Variants in NXPH1 observed in about 807,000 individuals in gnomAD.
NXPH1 encodes neurexophilin 1.
In NXPH1, 5 loss-of-function variants were observed where a neutral mutation model predicts 23.7. The ratio of observed to expected loss-of-function variants is 0.21; its 90% confidence interval spans 0.11 to 0.44. The LOEUF is 0.44. Among genes scored for constraint, NXPH1 ranks in the 20% least tolerant of loss-of-function variants. The pLI is 0.99. For synonymous variants in NXPH1, 144 were observed against 122.2 expected, an observed-to-expected ratio of 1.18 and a Z score of -1.18; for missense variants, 324 against 321.6, an observed-to-expected ratio of 1.01 and a Z score of -0.06.
intron 2 of NXPH1, among the ~76,000 whole-genome samples, chr7:8,521,383 T>C (rs1450594754): frequency 6.6e-6 from 1 of 152,158 alleles, no homozygotes; most frequent in Non-Finnish European, 1.5e-5. Flanking sequence ...CCAGCCCCCT[T>C]GCTGTTAGGT....
chr7:8,653,401 T>C (rs191487324), intron 2 of NXPH1, among the ~76,000 whole-genome samples: 135 of 152,282 alleles, frequency 8.9e-4, no homozygotes, highest in African/African-American at 3.2e-3. Context: ...TCCTTAACCA[T>C]AAAAGCTGAG....
At chr7:8,447,276 G>A (rs1285548279) in intron 2 of NXPH1, among the ~76,000 whole-genome samples, 2 of 152,172 alleles carry the variant, frequency 1.3e-5, no homozygotes, top group Non-Finnish European at 2.9e-5. Context: ...TTTGTGAATA[G>A]TTTCTTTCAC....
At chr7:8,563,158 A>G (rs924094554) in intron 2 of NXPH1, among the ~76,000 whole-genome samples, 1 of 151,804 alleles carries the variant, frequency 6.6e-6, no homozygotes. Flanking sequence ...CCAATTCTCT[A>G]TCACACATTG....
intron 2 of NXPH1, among the ~76,000 whole-genome samples, chr7:8,480,779 A>C (rs1817060096): frequency 6.6e-6 from 1 of 152,204 alleles, no homozygotes; most frequent in South Asian, 2.1e-4. Flanking sequence ...AGATTTGTAC[A>C]TTGTGGAAGG....
chr7:8,479,964 CT>C (rs1271525201), intron 2 of NXPH1, among the ~76,000 whole-genome samples: 2 of 152,022 alleles, frequency 1.3e-5, no homozygotes, highest in East Asian at 1.9e-4. Flanking sequence ...TTGATCCTGC[CT>C]TTCCAATAAG....
intron 2 of NXPH1, among the ~76,000 whole-genome samples, chr7:8,722,742 C>A (rs1325476967): frequency 6.6e-6 from 1 of 152,118 alleles, no homozygotes; most frequent in African/African-American, 2.4e-5. Context: ...CCTTGGAATG[C>A]AAGAGGAGTG....
chr7:8,535,924 C>T (rs942129573), intron 2 of NXPH1, among the ~76,000 whole-genome samples: 4 of 151,940 alleles, frequency 2.6e-5, no homozygotes, highest in African/African-American at 9.7e-5. Flanking sequence ...TCCTTTGTTC[C>T]CATATCCCAC....
rs118026957 is a variant in NXPH1 at position 8,620,429 on chromosome 7, G to A, written c.55-130579G>A. On this transcript the variant is annotated intron_variant, in intron 2 of 2. Coordinates refer to ENST00000405863, the MANE Select transcript of NXPH1 (RefSeq NM_152745.3). The stretch of plus-strand genomic sequence containing the variant: ...GTAAGCCTCTGTGCTGCCTCTTCTT[G>A]TCATGGTGATTAGTTCAAGGGGAAT... Among the ~76,000 whole-genome samples the A allele has an allele frequency of 2.8e-4, 43 of 152,256 alleles. No homozygotes were observed. The East Asian group carries it at 8.1e-3, about 29-fold the overall frequency.
Position 8,526,869 on chromosome 7 carries a change from T to C in NXPH1, c.54+91102T>C, listed in dbSNP as rs567420386. 5.9e-5 allele frequency among the ~76,000 whole-genome samples: 9 copies of C among 152,280 alleles called. No homozygotes were observed. In the South Asian group the frequency reaches 1.9e-3, roughly 32 times the overall value. ...AGCATGAAAACAGACTAATATAATG[T>C]CTCAGCAGAAGTAAGGCACAGGTAA... On this transcript the variant is annotated intron_variant, in intron 2 of 2. Coordinates refer to ENST00000405863, the MANE Select transcript of NXPH1 (RefSeq NM_152745.3).
intron 2 of NXPH1, among the ~76,000 whole-genome samples, chr7:8,455,422 A>C (rs1426183340): frequency 6.6e-6 from 1 of 152,152 alleles, no homozygotes. Flanking sequence ...CTGTGGTGCC[A>C]TTGAAAAAGG....
chr7:8,609,178 CAG>C (rs2128629108), intron 2 of NXPH1, among the ~76,000 whole-genome samples: 1 of 152,228 alleles, frequency 6.6e-6, no homozygotes, highest in South Asian at 2.1e-4. Flanking sequence ...TCTTATTCTA[CAG>C]ATGGTTAATG....
At chr7:8,695,392 T>G (rs750934049) in intron 2 of NXPH1, among the ~76,000 whole-genome samples, 1 of 152,148 alleles carries the variant, frequency 6.6e-6, no homozygotes, top group Non-Finnish European at 1.5e-5. Flanking sequence ...TTTACCATGT[T>G]ACAGAATGTA....
intron 2 of NXPH1, among the ~76,000 whole-genome samples, chr7:8,448,811 T>C (rs1250034813): frequency 1.8e-5 from 2 of 111,052 alleles, no homozygotes; most frequent in African/African-American, 8.2e-5. Context: ...CAAGACTTCG[T>C]CTCGGGGAAA....
chr7:8,496,207 CTT>C (rs1817335187), intron 2 of NXPH1, among the ~76,000 whole-genome samples: 1 of 151,962 alleles, frequency 6.6e-6, no homozygotes, highest in African/African-American at 2.4e-5. Flanking sequence ...TCGGGCCTTT[CTT>C]TACCCCTTAC....
chr7:8,716,703 T>C (rs1779884001), intron 2 of NXPH1, among the ~76,000 whole-genome samples: 1 of 152,226 alleles, frequency 6.6e-6, no homozygotes, highest in African/African-American at 2.4e-5. Flanking sequence ...TCTAGGCTGA[T>C]GAACAATGAA....
At position 8,587,429 on chromosome 7, in the gene NXPH1, C is replaced by T. The variant is rs572346655; in HGVS notation, c.54+151662C>T. On this transcript the variant is annotated intron_variant, in intron 2 of 2. Coordinates refer to ENST00000405863, the MANE Select transcript of NXPH1 (RefSeq NM_152745.3). ...TTGAGCTCAAGGGATTCTTCCCAAT[C>T]GGCATCCAAAATAGCTGGGACTATA... Among the ~76,000 whole-genome samples, 7 of 152,148 alleles carry T rather than the reference C, an allele frequency of 4.6e-5. No homozygotes were observed. The South Asian group carries it at 6.2e-4, about 14-fold the overall frequency.
intron 2 of NXPH1, among the ~76,000 whole-genome samples, chr7:8,439,543 G>A (rs542577577): frequency 6.6e-5 from 10 of 152,298 alleles, no homozygotes; most frequent in African/African-American, 2.2e-4. Flanking sequence ...CTAATGAGAA[G>A]GGGTCCCACC....
intron 2 of NXPH1, among the ~76,000 whole-genome samples, chr7:8,480,386 T>C (rs1325450459): frequency 6.6e-6 from 1 of 152,196 alleles, no homozygotes; most frequent in Non-Finnish European, 1.5e-5. Flanking sequence ...AGTTCAAAAC[T>C]CTTGAAATGG....
chr7:8,702,617 C>T (rs1019281436), intron 2 of NXPH1, among the ~76,000 whole-genome samples: 1 of 152,024 alleles, frequency 6.6e-6, no homozygotes, highest in Non-Finnish European at 1.5e-5. Context: ...CTATTATTTT[C>T]CTGGCTCCAT....
Sources: allele counts gnomAD v4.1 joint callset (sites outside exome capture counted in the v4.1 genomes callset), GRCh38; gene constraint gnomAD v4.1.1; transcripts MANE v1.5; gene names NCBI Gene and HGNC (gene_info 2026-07-23, HGNC 2026-07-21).